NELL2: variants seen among roughly 807,000 people sequenced by gnomAD.
The protein encoded by NELL2 is protein kinase C-binding protein NELL2.
NELL2 carries 41 observed loss-of-function variants against 109.6 expected under a neutral mutation model. The observed-to-expected ratio is 0.37, with a 90% CI of 0.29 to 0.49. NELL2 has a LOEUF of 0.49. Among genes scored for constraint, NELL2 ranks in the 20% least tolerant of loss-of-function variants. The pLI, the probability that NELL2 is intolerant of heterozygous loss-of-function variation, is 0.98. For synonymous variants in NELL2, 355 were observed against 344.7 expected (o/e 1.03, Z -0.33); for missense variants, 900 against 1,008.3 (o/e 0.89, Z 1.45).
chr12:44,645,558 G>C (rs1947063095), intron 13 of NELL2, among the ~76,000 whole-genome samples: 1 of 152,134 alleles, frequency 6.6e-6, no homozygotes, highest in Non-Finnish European at 1.5e-5. Context: ...GGGTAAAATT[G>C]GGAGAGAAAC....
intron 13 of NELL2, among the ~76,000 whole-genome samples, chr12:44,631,194 T>C (rs1227198744): frequency 6.7e-6 from 1 of 149,940 alleles, no homozygotes; most frequent in South Asian, 2.1e-4. Context: ...CTCTAACATA[T>C]AAAGGTGAGG....
intron 15 of NELL2, among the ~76,000 whole-genome samples, chr12:44,593,213 T>C (rs952912271): frequency 3.3e-5 from 5 of 152,186 alleles, no homozygotes; most frequent in Non-Finnish European, 7.3e-5. Context: ...ATAGAATAAC[T>C]CTTTTTGAAG....
intron 12 of NELL2, among the ~76,000 whole-genome samples, chr12:44,673,146 C>G (rs1299576393): frequency 6.6e-6 from 1 of 152,094 alleles, no homozygotes; most frequent in Non-Finnish European, 1.5e-5. Flanking sequence ...ATTTCTCACG[C>G]CCTGTCTGCA....
chr12:44,551,268 C>T (rs1456787415), intron 15 of NELL2, among the ~76,000 whole-genome samples: 1 of 152,146 alleles, frequency 6.6e-6, no homozygotes, highest in Admixed American at 6.6e-5. Context: ...TTCATGCATC[C>T]ATGCACAGAA....
intron 9 of NELL2, among the ~76,000 whole-genome samples, chr12:44,746,634 C>T (rs548211218): frequency 6.3e-4 from 96 of 152,102 alleles, no homozygotes; most frequent in African/African-American, 1.7e-3. Flanking sequence ...AAAAAGTGGG[C>T]GAAGGATATG....
At chr12:44,586,225 C>T (rs1355416266) in intron 15 of NELL2, among the ~76,000 whole-genome samples, 1 of 147,556 alleles carries the variant, frequency 6.8e-6, no homozygotes, top group Non-Finnish European at 1.5e-5. Context: ...TCATATATAT[C>T]TAATTGAAAA....
At chr12:44,872,085 A>T (rs1945179580) in intron 2 of NELL2, among the ~76,000 whole-genome samples, 1 of 152,182 alleles carries the variant, frequency 6.6e-6, no homozygotes, top group South Asian at 2.1e-4. Context: ...ACAGAGAGGA[A>T]AAAAACATTA....
At chr12:44,691,752 T>A (rs1948905729) in intron 12 of NELL2, among the ~76,000 whole-genome samples, 1 of 152,178 alleles carries the variant, frequency 6.6e-6, no homozygotes, top group Admixed American at 6.5e-5. Context: ...GTGGTATGGA[T>A]GGAAGATAAA....
chr12:44,739,004 C>T (rs1939797439), intron 9 of NELL2, among the ~76,000 whole-genome samples: 1 of 152,040 alleles, frequency 6.6e-6, no homozygotes, highest in Non-Finnish European at 1.5e-5. Context: ...AGGCTTTATC[C>T]CTCTTTCTAG....
At chr12:44,826,628 A>G (rs1414713777) in intron 2 of NELL2, among the ~76,000 whole-genome samples, 1 of 152,246 alleles carries the variant, frequency 6.6e-6, no homozygotes, top group Non-Finnish European at 1.5e-5. Context: ...GCTCTATAAT[A>G]ATAGAAATTG....
Position 44,510,692 on chromosome 12 carries a change from C to A in NELL2, c.2401-1708G>T, listed in dbSNP as rs535891327. On this transcript the variant is annotated intron_variant, in intron 19 of 19. Transcript: ENST00000429094. ...GTGACAGACTCAACCATTTCTTAGA[C>A]CCCTAGTGGCATTTTAAAGTTTTGT... 3.3e-5 allele frequency among the ~76,000 whole-genome samples: 5 copies of A among 152,292 alleles called. No homozygotes were observed. The South Asian group carries it at 1.0e-3, about 32-fold the overall frequency.
chr12:44,883,897 G>A (rs1566591472), intron 1 of NELL2, among the ~76,000 whole-genome samples: 1 of 151,720 alleles, frequency 6.6e-6, no homozygotes, highest in East Asian at 1.9e-4. Flanking sequence ...AAGAAAGCAG[G>A]AAATAGTTAA....
In NELL2 at chr12:44,887,103, T is replaced by C. The variant is rs183870295; in HGVS notation, c.39-11203A>G. 1.3e-3 allele frequency among the ~76,000 whole-genome samples: 192 copies of C among 152,178 alleles called. 2 individuals are homozygous for C. The highest frequency in any genetic ancestry group is 4.6e-3 in the African/African-American group (191 of 41,418). ...TGGGAGTGCGTATGCCTTTTTGATA[T>C]ATTGATTTCCTTTCTCTTGGATAAA... On this transcript the variant is annotated intron_variant, in intron 1 of 20. Coordinates refer to the NELL2 transcript ENST00000333837.
chr12:44,787,244 A>G (rs181839601), intron 3 of NELL2, among the ~76,000 whole-genome samples: 1 of 152,280 alleles, frequency 6.6e-6, no homozygotes, highest in East Asian at 1.9e-4. Context: ...ATATACTGAA[A>G]ACAACATAAC....
chr12:44,835,472 G>A (rs1173014788), intron 2 of NELL2, among the ~76,000 whole-genome samples: 5 of 152,186 alleles, frequency 3.3e-5, no homozygotes, highest in Non-Finnish European at 5.9e-5. Flanking sequence ...ACTCCAGAGA[G>A]AGGCAGCAGG....
chr12:44,913,578 A>G (rs1388849890), intron 1 of NELL2, among the ~76,000 whole-genome samples: 2 of 152,182 alleles, frequency 1.3e-5, no homozygotes, highest in Non-Finnish European at 2.9e-5. Flanking sequence ...AGGATTCAGC[A>G]TTATGTTTCA....
chr12:44,705,721 T>G (rs1234824649), intron 11 of NELL2, among the ~76,000 whole-genome samples: 2 of 152,188 alleles, frequency 1.3e-5, no homozygotes, highest in Non-Finnish European at 2.9e-5. Flanking sequence ...ATATTTATTC[T>G]ATATTAAAAC....
At chr12:44,866,419 A>G (rs1945001624) in intron 2 of NELL2, among the ~76,000 whole-genome samples, 1 of 152,174 alleles carries the variant, frequency 6.6e-6, no homozygotes, top group African/African-American at 2.4e-5. Flanking sequence ...AAATTAGAAG[A>G]CATCTTGAAA....
At chr12:44,806,037 T>C (rs980478538) in intron 3 of NELL2, among the ~76,000 whole-genome samples, 2 of 151,834 alleles carry the variant, frequency 1.3e-5, no homozygotes, top group Non-Finnish European at 2.9e-5. Flanking sequence ...TTCTTCACTA[T>C]GTCATTAACA....
Sources: allele counts gnomAD v4.1 joint callset (sites outside exome capture counted in the v4.1 genomes callset), GRCh38; gene constraint gnomAD v4.1.1; transcripts MANE v1.5; gene names NCBI Gene and HGNC (gene_info 2026-07-23, HGNC 2026-07-21).